The following GAB2 variants were observed in gnomAD, a reference collection of about 807,000 sequenced individuals.
GAB2 encodes the protein GRB2 associated binding protein 2.
GAB2 carries 26 observed loss-of-function variants against 65.5 expected under a neutral mutation model. The ratio of observed to expected loss-of-function variants is 0.40; its 90% confidence interval spans 0.29 to 0.55. GAB2 has a LOEUF of 0.55. Ranked by LOEUF, GAB2 falls within the 20% of genes least tolerant of loss-of-function variation. The pLI, the probability that GAB2 is intolerant of heterozygous loss-of-function variation, is 0.53. For synonymous variants in GAB2, 321 were observed against 329.6 expected, an observed-to-expected ratio of 0.97 and a Z score of 0.28; for missense variants, 884 against 875.8, an observed-to-expected ratio of 1.01 and a Z score of -0.12.
At chr11:78,321,798 T>C (rs957013633) in intron 1 of GAB2, among the ~76,000 whole-genome samples, 5 of 151,676 alleles carry the variant, frequency 3.3e-5, no homozygotes, top group East Asian at 3.9e-4. Context: ...AACAGACATG[T>C]AGACCAATGG....
In GAB2 at chr11:78,219,286, C is replaced by T. The variant is rs2134448819; in HGVS notation, c.2017G>A (p.Gly673Ser). The stretch of plus-strand genomic sequence containing the variant: ...TGGCCCTCTCATCACAGCTTGGCAC[C>T]CTTGGAAGGCTCTGAGGACTGCCGC... Reference protein sequence around the residue: ...DVRQSSEPSKGAKL With the variant: ...DVRQSSEPSKSAKL The change falls in exon 10 of 10, where the codon GGT becomes AGT. Residue 673 changes from glycine to serine, a missense_variant. Physicochemically the swap from Gly to Ser is moderately conservative, Grantham distance 56. Transcript: ENST00000361507. 6.2e-7 allele frequency: 1 copy of T among 1,613,500 alleles called. No homozygotes were observed. Among genetic ancestry groups the T allele is most frequent in the Non-Finnish European group, 8.5e-7 (1 of 1,179,960 alleles).
chr11:78,362,027 G>A (rs1856441208), intron 1 of GAB2, among the ~76,000 whole-genome samples: 1 of 151,384 alleles, frequency 6.6e-6, no homozygotes, highest in African/African-American at 2.4e-5. Flanking sequence ...AAGGCATGGG[G>A]AAGAAAACTG....
intron 1 of GAB2, among the ~76,000 whole-genome samples, chr11:78,409,235 A>G (rs1857093781): frequency 1.3e-5 from 2 of 152,204 alleles, no homozygotes; most frequent in African/African-American, 4.8e-5. Context: ...CAGGTATTAT[A>G]TAAAGATAAA....
At chr11:78,328,690 T>C (rs917588063) in intron 1 of GAB2, among the ~76,000 whole-genome samples, 1 of 150,410 alleles carries the variant, frequency 6.6e-6, no homozygotes, top group Non-Finnish European at 1.5e-5. Flanking sequence ...ACATACTGTA[T>C]GATTCTGTTT....
chr11:78,364,009 C>T (rs2134720184), intron 1 of GAB2: 1 of 152,234 alleles, frequency 6.6e-6, no homozygotes, highest in East Asian at 1.9e-4. Flanking sequence ...TATTTATAAG[C>T]ACTTACTGTA....
chr11:78,274,068 A>C (rs1433851130), intron 2 of GAB2, among the ~76,000 whole-genome samples: 1 of 152,154 alleles, frequency 6.6e-6, no homozygotes, highest in Non-Finnish European at 1.5e-5. Flanking sequence ...GCAGTATGAA[A>C]ATGGACTAAT....
chr11:78,404,410 G>T (rs969198767), intron 1 of GAB2, among the ~76,000 whole-genome samples: 2 of 152,292 alleles, frequency 1.3e-5, no homozygotes, highest in Non-Finnish European at 2.9e-5. Context: ...AGCCAGGCCG[G>T]GTGGCGCATG....
chr11:78,227,161 G>A, intron 3 of GAB2, 110 bp from the exon 4 acceptor site: 1 of 705,308 alleles, frequency 1.4e-6, no homozygotes, highest in South Asian at 1.6e-5. Context: ...TCTGTAAAAT[G>A]GTGACTAAAA....
chr11:78,266,132 T>G (rs1865866793), intron 2 of GAB2, among the ~76,000 whole-genome samples: 1 of 136,724 alleles, frequency 7.3e-6, no homozygotes, highest in Non-Finnish European at 1.5e-5. Context: ...AGAGGATCAC[T>G]TGAACCTGAG....
chr11:78,408,737 C>T (rs769650765), intron 1 of GAB2, among the ~76,000 whole-genome samples: 1 of 152,080 alleles, frequency 6.6e-6, no homozygotes, highest in Non-Finnish European at 1.5e-5. Flanking sequence ...GTGCTGTTCT[C>T]ATGATAGTGA....
intron 1 of GAB2, 82 bp downstream of exon 1, chr11:78,417,564 C>G: frequency 1.4e-6 from 1 of 694,568 alleles, no homozygotes; most frequent in Non-Finnish European, 1.9e-6. Flanking sequence ...CCCCAGCCTG[C>G]CGCCCCTCCG....
intron 1 of GAB2, among the ~76,000 whole-genome samples, chr11:78,323,377 A>T (rs1855762634): frequency 6.6e-6 from 1 of 151,900 alleles, no homozygotes; most frequent in South Asian, 2.1e-4. Context: ...GGGCATGGTG[A>T]CGTGTGCCTG....
At chr11:78,360,865 A>C (rs1003693598) in intron 1 of GAB2, among the ~76,000 whole-genome samples, 1 of 152,012 alleles carries the variant, frequency 6.6e-6, no homozygotes, top group African/African-American at 2.4e-5. Flanking sequence ...TCTCAAAGAA[A>C]AACAACAACA....
At chr11:78,280,519 C>T (rs921455686) in intron 2 of GAB2, 82 bp downstream of exon 2, 2 of 1,137,384 alleles carry the variant, frequency 1.8e-6, no homozygotes, top group Non-Finnish European at 2.6e-6. Context: ...GAAACCTTAG[C>T]TAGAGCCTGC....
intron 1 of GAB2, among the ~76,000 whole-genome samples, chr11:78,291,074 A>G (rs1011708179): frequency 2.2e-5 from 3 of 138,548 alleles, no homozygotes; most frequent in African/African-American, 8.8e-5. Context: ...GCTTAGAAAA[A>G]GAAGTGGTGG....
intron 1 of GAB2, among the ~76,000 whole-genome samples, chr11:78,396,992 G>T (rs1215364628): frequency 6.6e-6 from 1 of 152,116 alleles, no homozygotes; most frequent in Admixed American, 6.5e-5. Context: ...ATAAATACAG[G>T]AAAAAGAGAC....
chr11:78,266,726 A>G (rs888123412), intron 2 of GAB2, among the ~76,000 whole-genome samples: 6 of 152,176 alleles, frequency 3.9e-5, no homozygotes, highest in Admixed American at 3.9e-4. Flanking sequence ...AGGCAGAGAG[A>G]ATCACTAAGA....
chr11:78,341,138 A>C (rs779622378), intron 1 of GAB2, among the ~76,000 whole-genome samples: 2 of 152,210 alleles, frequency 1.3e-5, no homozygotes, highest in Non-Finnish European at 2.9e-5. Flanking sequence ...CCTGTACCCC[A>C]TGACTTTATT....
chr11:78,221,966 C>A, intron 7 of GAB2, 139 bp downstream of exon 7: 1 of 709,852 alleles, frequency 1.4e-6, no homozygotes. Flanking sequence ...AACCAAGCCA[C>A]AAGACATCGA....
Sources: allele counts gnomAD v4.1 joint callset (sites outside exome capture counted in the v4.1 genomes callset), GRCh38; gene constraint gnomAD v4.1.1; transcripts MANE v1.5; gene names NCBI Gene and HGNC (gene_info 2026-07-23, HGNC 2026-07-21).